The following ZBTB40 variants were observed in gnomAD, a reference collection of about 807,000 sequenced individuals.
ZBTB40 encodes the protein zinc finger and BTB domain containing 40.
In ZBTB40, 60 loss-of-function variants were observed where a neutral mutation model predicts 117.5. The observed-to-expected ratio is 0.51, with a 90% confidence interval of 0.41 to 0.63. ZBTB40 has a LOEUF of 0.63. ZBTB40 is among the 30% of genes least tolerant of loss of function. The probability of loss-of-function intolerance (pLI) is 0.00; values close to 1 mark genes in which losing one functional copy is unlikely to be tolerated. For missense variants in ZBTB40, 1,287 were observed against 1,498.5 expected (o/e 0.86, Z 2.33); for synonymous variants, 525 against 577.1 (o/e 0.91, Z 1.29).
At chr1:22,468,784 C>A (rs1332914432) in intron 1 of ZBTB40, among the ~76,000 whole-genome samples, 1 of 143,754 alleles carries the variant, frequency 7.0e-6, no homozygotes, top group East Asian at 2.1e-4. Flanking sequence ...TAGGCATGGG[C>A]TGCCATGCTT....
intron 12 of ZBTB40, among the ~76,000 whole-genome samples, chr1:22,515,495 C>T (rs1639351011): frequency 6.6e-6 from 1 of 152,176 alleles, no homozygotes; most frequent in Admixed American, 6.5e-5. Flanking sequence ...CGGCAGAGTT[C>T]CTTCTGGAGG....
At chr1:22,456,194 G>A (rs887633609) in intron 1 of ZBTB40, among the ~76,000 whole-genome samples, 1 of 152,122 alleles carries the variant, frequency 6.6e-6, no homozygotes, top group African/African-American at 2.4e-5. Context: ...TGAGAGATGA[G>A]ATTGTCACTT....
chr1:22,450,199 CCTCCCAAAATG>C (rs1557476775), upstream of ZBTB40, among the ~76,000 whole-genome samples: 1 of 152,200 alleles, frequency 6.6e-6, no homozygotes, highest in Admixed American at 6.5e-5. Flanking sequence ...CCTGCCTCGG[CCTCCCAAAATG>C]CTCCCAAAAT....
intron 1 of ZBTB40, among the ~76,000 whole-genome samples, chr1:22,470,929 A>G (rs899340626): frequency 2.6e-5 from 4 of 152,166 alleles, no homozygotes; most frequent in Non-Finnish European, 5.9e-5. Flanking sequence ...TTCTGAAGAG[A>G]CTTTCTGATG....
At chr1:22,499,403 T>C (rs915373496) in intron 3 of ZBTB40, among the ~76,000 whole-genome samples, 2 of 152,206 alleles carry the variant, frequency 1.3e-5, no homozygotes, top group African/African-American at 4.8e-5. Context: ...ACAGCATGAA[T>C]ACCCAGAGTC....
At chr1:22,447,914 A>G (rs566821084), upstream of ZBTB40, among the ~76,000 whole-genome samples, 1 of 152,366 alleles carries the variant, frequency 6.6e-6, no homozygotes, top group African/African-American at 2.4e-5. Flanking sequence ...AGGAAAGTGA[A>G]TGCCAAGGCC....
rs1269034381 is a variant in ZBTB40, at chr1:22,517,369, G to A, written c.2738G>A (p.Arg913Lys). ...AQSIELSRHV[R>K]THTGDKPYVC... ...TCTATTGAGCTGTCCCGCCACGTGAGGACCCACACCGGGGACAAGCCCTAT... is the reference window on the plus strand; with the variant it reads ...TCTATTGAGCTGTCCCGCCACGTGAAGACCCACACCGGGGACAAGCCCTAT... The change falls in exon 13 of 18, where the codon AGG (arginine) becomes AAG (lysine). Residue 913 changes from arginine to lysine, a missense_variant. Coordinates refer to ENST00000375647, the MANE Select transcript of ZBTB40 (RefSeq NM_014870.4). 1 of 1,614,204 alleles carries A rather than the reference G, an allele frequency of 6.2e-7. No homozygotes were observed. Among genetic ancestry groups the A allele is most frequent in the Non-Finnish European group, 8.5e-7 (1 of 1,180,036 alleles).
At chr1:22,510,792 T>C (rs1639210951) in intron 9 of ZBTB40, among the ~76,000 whole-genome samples, 1 of 152,226 alleles carries the variant, frequency 6.6e-6, no homozygotes, top group Non-Finnish European at 1.5e-5. Flanking sequence ...TGAAAACTTA[T>C]TCTGATTTTC....
At chr1:22,517,740 G>C (rs1352843197) in intron 13 of ZBTB40, 1 of 414,354 alleles carries the variant, frequency 2.4e-6, no homozygotes, top group East Asian at 4.1e-5. Context: ...GGCAAATTTT[G>C]TTTGAAGGAG....
chr1:22,458,188 T>A (rs1191822185), intron 1 of ZBTB40, among the ~76,000 whole-genome samples: 1 of 152,250 alleles, frequency 6.6e-6, no homozygotes, highest in Non-Finnish European at 1.5e-5. Flanking sequence ...GCTTTCAGCT[T>A]CATTCCTCTC....
intron 1 of ZBTB40, among the ~76,000 whole-genome samples, chr1:22,442,251 A>G (rs1640742096): frequency 6.6e-6 from 1 of 152,206 alleles, no homozygotes; most frequent in South Asian, 2.1e-4. Context: ...AGTGGTGTGT[A>G]GACTGTTCTG....
intron 13 of ZBTB40, 185 bp downstream of exon 13, chr1:22,517,649 T>G: frequency 1.4e-6 from 1 of 708,622 alleles, no homozygotes; most frequent in Non-Finnish European, 2.3e-6. Flanking sequence ...TTAAGGTATC[T>G]CATATAACGC....
At chr1:22,429,207 C>A (rs976751593) in intron 1 of ZBTB40, among the ~76,000 whole-genome samples, 3 of 151,838 alleles carry the variant, frequency 2.0e-5, no homozygotes, top group African/African-American at 7.3e-5. Flanking sequence ...ACGGTGAAAC[C>A]CCGTCTCCAC....
In ZBTB40 at chr1:22,513,579, G is replaced by T. The variant is rs209725; in HGVS notation, c.2668+449G>T. On this transcript the variant is annotated intron_variant, in intron 12 of 17. Transcript: ENST00000375647. The surrounding 1 kb of genome is among the most constrained non-coding windows in gnomAD (Gnocchi z 4.9). ...AGCCAGGCGTGGTGGCGGGCACCTGGAGTCTCAGCTACTCGGGAGGCTGAG... is the reference window on the plus strand; with the variant it reads ...AGCCAGGCGTGGTGGCGGGCACCTGTAGTCTCAGCTACTCGGGAGGCTGAG... 0.46 allele frequency among the ~76,000 whole-genome samples: 70,534 copies of T among 151,892 alleles called. 18,479 individuals carry two copies. The highest frequency in any genetic ancestry group is 0.69 in the African/African-American group (28,640 of 41,408).
At chr1:22,524,502 C>G (rs1015098773) in intron 17 of ZBTB40, 58 bp downstream of exon 17, 4 of 1,557,282 alleles carry the variant, frequency 2.6e-6, no homozygotes, top group Admixed American at 3.5e-5. Flanking sequence ...TAAGGCTTCT[C>G]TAGAGGTGGC....
chr1:22,444,051 C>G (rs998726061), intron 1 of ZBTB40, among the ~76,000 whole-genome samples: 1 of 152,138 alleles, frequency 6.6e-6, no homozygotes, highest in Non-Finnish European at 1.5e-5. Flanking sequence ...AGGAGAGGGA[C>G]TCCTCCGCCA....
chr1:22,501,511 A>T lies in ZBTB40; in HGVS notation c.851A>T (p.Glu284Val). ...PQKEMIVKCF[E>V]GEGGHSAFQR... ...CCATAGATGATAGTGAAATGTTTCG[A>T]GGGTGAAGGAGGACATTCAGCATTC... Residue 284 changes from glutamate (E) to valine (V), a missense_variant, in exon 4 of 18, where the codon GAG becomes GTG. Around this residue, in one of 2 missense-constraint regions of ZBTB40, gnomAD observed 870 missense variants for 934.4 expected, o/e 0.93. Coordinates refer to ENST00000375647, the MANE Select transcript of ZBTB40 (RefSeq NM_014870.4). 6.2e-7 allele frequency: 1 copy of T among 1,614,136 alleles called. No individual in the cohort carries two copies. The highest frequency in any genetic ancestry group is 8.5e-7 in the Non-Finnish European group (1 of 1,180,006).
intron 17 of ZBTB40, 24 bp downstream of exon 17, chr1:22,524,468 A>G (rs777162320): frequency 5.6e-6 from 9 of 1,608,796 alleles, no homozygotes; most frequent in African/African-American, 1.3e-5. Context: ...CATCAGCTAC[A>G]TTAGAATGCT....
intron 15 of ZBTB40, 91 bp downstream of exon 15, chr1:22,521,749 A>G: frequency 6.4e-7 from 1 of 1,566,044 alleles, no homozygotes; most frequent in Non-Finnish European, 8.8e-7. Flanking sequence ...CTAATAGTCT[A>G]GTGTGATGTG....
Sources: allele counts gnomAD v4.1 joint callset (sites outside exome capture counted in the v4.1 genomes callset), GRCh38; gene constraint gnomAD v4.1.1; regional missense constraint gnomAD v4.1.1; non-coding constraint Gnocchi (gnomAD v3.1); transcripts MANE v1.5; gene names NCBI Gene and HGNC (gene_info 2026-07-23, HGNC 2026-07-21).